TNKS: variants seen among roughly 807,000 people sequenced by gnomAD.
The protein encoded by TNKS is tankyrase, also known as poly [ADP-ribose] polymerase tankyrase-1.
Under a neutral mutation model 135.8 loss-of-function variants are expected in TNKS, and 72 were observed. The observed-to-expected ratio is 0.53, with a 90% CI of 0.44 to 0.64. TNKS has a LOEUF of 0.64. TNKS is among the 30% of genes least tolerant of loss of function. The pLI is 0.00. For missense variants in TNKS, 1,769 were observed against 1,674.0 expected (o/e 1.06, Z -0.99); for synonymous variants, 849 against 649.3 (o/e 1.31, Z -4.68).
chr8:9,594,320 T>G (rs189550582), intron 2 of TNKS, among the ~76,000 whole-genome samples: 3 of 152,242 alleles, frequency 2.0e-5, no homozygotes, highest in Non-Finnish European at 4.4e-5. Context: ...TCTCACACCT[T>G]GTTTTTTGTC....
chr8:9,614,485 C>A (rs370225095), intron 2 of TNKS, among the ~76,000 whole-genome samples: 1 of 152,110 alleles, frequency 6.6e-6, no homozygotes, highest in African/African-American at 2.4e-5. Flanking sequence ...TATAACAAAG[C>A]CATTGATTTT....
chr8:9,586,984 A>C (rs1180234357), intron 2 of TNKS, among the ~76,000 whole-genome samples: 2 of 152,198 alleles, frequency 1.3e-5, no homozygotes, highest in Non-Finnish European at 2.9e-5. Flanking sequence ...GTTATGCTTT[A>C]AAAACTTTTT....
At chr8:9,592,558 C>G (rs1247594528) in intron 2 of TNKS, among the ~76,000 whole-genome samples, 6 of 152,110 alleles carry the variant, frequency 3.9e-5, no homozygotes, top group Non-Finnish European at 8.8e-5. Flanking sequence ...GATGAGGTGC[C>G]AGATTCTTAA....
intron 6 of TNKS, among the ~76,000 whole-genome samples, 193 bp downstream of exon 6, chr8:9,704,950 C>G (rs531711613): frequency 2.0e-5 from 3 of 152,248 alleles, no homozygotes; most frequent in South Asian, 4.2e-4. Context: ...AATAATTTCC[C>G]AAATCAATTT....
intron 3 of TNKS, among the ~76,000 whole-genome samples, chr8:9,635,675 T>G (rs1353120114): frequency 6.6e-6 from 1 of 152,220 alleles, no homozygotes; most frequent in East Asian, 1.9e-4. Flanking sequence ...TGCTGGCAGA[T>G]GTAATACCTG....
intron 11 of TNKS, among the ~76,000 whole-genome samples, chr8:9,716,390 T>C (rs1426437972): frequency 6.6e-6 from 1 of 152,152 alleles, no homozygotes; most frequent in Non-Finnish European, 1.5e-5. Flanking sequence ...GGTTTGATCA[T>C]ACCAAAATAA....
Position 9,776,950 on chromosome 8 carries a change from C to A in TNKS, c.*214C>A, listed in dbSNP as rs140211601. ...CCCTTTGAGGAAATGTTTACAGGGG[C>A]GGCCTTTTAACATATCTCAGGCTCA... On this transcript the variant is annotated 3_prime_UTR_variant, in exon 27 of 27. Transcript: ENST00000310430. The A allele has an allele frequency of 1.8e-4, 87 of 492,106 alleles. No homozygotes were observed. In the East Asian group the frequency reaches 2.6e-3, roughly 15 times the overall value. The allele number at this position is 492,106 out of a possible 1,614,324, so 30.5% of individuals were successfully genotyped here. A position where few individuals can be genotyped will look rare whatever the true frequency, so the allele number is the denominator to read the frequency against.
chr8:9,761,027 C>G (rs1807122542), intron 20 of TNKS, among the ~76,000 whole-genome samples: 1 of 152,188 alleles, frequency 6.6e-6, no homozygotes, highest in Non-Finnish European at 1.5e-5. Context: ...TTGAGTATTT[C>G]TTAGCACTGA....
rs35364730 is a variant in TNKS at position 9,574,656 on chromosome 8, C to A, written c.674-5503C>A. On this transcript the variant is annotated intron_variant, in intron 1 of 26. Transcript: ENST00000310430. Reference sequence around the variant, plus strand: ...GTGACAAATACTGTTGGTTATGTACCCCAAATTTATTTTCTTCAAATTCTT... The same window carrying A: ...GTGACAAATACTGTTGGTTATGTACACCAAATTTATTTTCTTCAAATTCTT... 2.7e-3 allele frequency among the ~76,000 whole-genome samples: 409 copies of A among 152,176 alleles called. 3 individuals carry two copies. Among genetic ancestry groups the A allele is most frequent in the African/African-American group, 9.1e-3 (378 of 41,532 alleles).
chr8:9,690,913 C>G (rs1375754511), intron 5 of TNKS, among the ~76,000 whole-genome samples: 2 of 152,068 alleles, frequency 1.3e-5, no homozygotes, highest in Non-Finnish European at 2.9e-5. Flanking sequence ...TAGAATCTTA[C>G]TTGGATGGGG....
intron 20 of TNKS, among the ~76,000 whole-genome samples, chr8:9,752,979 A>G (rs1170339822): frequency 6.6e-6 from 1 of 151,904 alleles, no homozygotes; most frequent in Non-Finnish European, 1.5e-5. Context: ...AAAAAAAAAA[A>G]AAGAAAGACT....
chr8:9,594,008 T>C (rs1333065191), intron 2 of TNKS, among the ~76,000 whole-genome samples: 1 of 152,092 alleles, frequency 6.6e-6, no homozygotes, highest in Non-Finnish European at 1.5e-5. Context: ...TGCCTCAGCC[T>C]CCCGAATAGC....
At chr8:9,658,261 T>A (rs1198940980) in intron 3 of TNKS, 11 of 364,330 alleles carry the variant, frequency 3.0e-5, no homozygotes, top group Admixed American at 2.4e-4. Context: ...GAGGCTGCAA[T>A]CTCGGCACTT....
At chr8:9,631,228 C>G (rs1405475844) in intron 3 of TNKS, among the ~76,000 whole-genome samples, 1 of 152,132 alleles carries the variant, frequency 6.6e-6, no homozygotes, top group Non-Finnish European at 1.5e-5. Flanking sequence ...AGCTAGAATC[C>G]TCCTGTGCTT....
At chr8:9,662,661 G>A (rs1017172566) in intron 3 of TNKS, among the ~76,000 whole-genome samples, 1 of 151,992 alleles carries the variant, frequency 6.6e-6, no homozygotes, top group African/African-American at 2.4e-5. Context: ...TGAGTTAATG[G>A]GTGCAGCATG....
chr8:9,723,912 G>A (rs368237389), intron 12 of TNKS, among the ~76,000 whole-genome samples: 1 of 152,154 alleles, frequency 6.6e-6, no homozygotes, highest in African/African-American at 2.4e-5. Context: ...TAAAGATTAG[G>A]CTTATGATAC....
At chr8:9,601,880 C>A (rs188887941) in intron 2 of TNKS, among the ~76,000 whole-genome samples, 9 of 152,166 alleles carry the variant, frequency 5.9e-5, no homozygotes, top group Admixed American at 3.3e-4. Context: ...CCACATAAAT[C>A]TTTCTTCAAA....
intron 1 of TNKS, among the ~76,000 whole-genome samples, chr8:9,579,274 C>A (rs1302849436): frequency 1.3e-5 from 2 of 152,130 alleles, no homozygotes; most frequent in African/African-American, 4.8e-5. Flanking sequence ...CCACCCATTT[C>A]ATATAGTTTG....
chr8:9,675,984 T>C (rs1293441127), intron 3 of TNKS, among the ~76,000 whole-genome samples: 1 of 151,688 alleles, frequency 6.6e-6, no homozygotes, highest in Non-Finnish European at 1.5e-5. Context: ...CCATGCATAA[T>C]GGTTGAAAGA....
Sources: gnomAD v4.1 joint callset for allele counts (sites outside exome capture counted in the v4.1 genomes callset) on GRCh38, gnomAD v4.1.1 for gene constraint, MANE v1.5 for transcripts, NCBI Gene and HGNC (gene_info 2026-07-23, HGNC 2026-07-21) for gene names.